CFAP97: variants seen among roughly 807,000 people sequenced by gnomAD.
CFAP97 encodes cilia and flagella associated protein 97.
In CFAP97, 36 loss-of-function variants were observed where a neutral mutation model predicts 43.1. That is an observed-to-expected ratio of 0.84 (90% CI 0.64 to 1.10). The LOEUF (loss-of-function observed/expected upper bound fraction) is 1.10. Among genes scored for constraint, CFAP97 ranks in the 50% least tolerant of loss-of-function variants. The probability of loss-of-function intolerance (pLI) is 0.00; values close to 1 mark genes in which losing one functional copy is unlikely to be tolerated. For missense variants in CFAP97, 657 were observed against 620.3 expected, an observed-to-expected ratio of 1.06 and a Z score of -0.63; for synonymous variants, 228 against 225.7, an observed-to-expected ratio of 1.01 and a Z score of -0.09.
chr4:185,179,903 T>C (rs566216138), intron 2 of CFAP97, among the ~76,000 whole-genome samples: 2 of 152,316 alleles, frequency 1.3e-5, no homozygotes, highest in East Asian at 3.9e-4. Flanking sequence ...CCAAATGTTA[T>C]TTTCCAGTTC....
chr4:185,182,345 A>C (rs1176286700), intron 2 of CFAP97: 1 of 152,008 alleles, frequency 6.6e-6, no homozygotes, highest in Admixed American at 6.6e-5. Flanking sequence ...CCATTTTTTG[A>C]CATTTACATA....
intron 1 of CFAP97, among the ~76,000 whole-genome samples, chr4:185,192,566 C>T (rs1736311734): frequency 1.3e-5 from 2 of 151,780 alleles, no homozygotes; most frequent in African/African-American, 4.8e-5. Context: ...TATTTTAATA[C>T]TCCATACAGT....
intron 2 of CFAP97, 116 bp downstream of exon 2, chr4:185,190,027 C>A: frequency 1.4e-6 from 1 of 707,504 alleles, no homozygotes; most frequent in South Asian, 3.1e-5. Context: ...CTAATAATAT[C>A]AATCATTCCC....
chr4:185,167,998 CAA>C (rs1195340198), intron 3 of CFAP97, among the ~76,000 whole-genome samples: 51 of 54,716 alleles, frequency 9.3e-4, no homozygotes, highest in African/African-American at 2.0e-3. Context: ...GACTCCTTCT[CAA>C]AAAAAAAAAA....
intron 3 of CFAP97, among the ~76,000 whole-genome samples, chr4:185,173,159 C>A (rs111296297): frequency 0.039 from 5,928 of 151,922 alleles, 378 homozygotes; most frequent in African/African-American, 0.13. Flanking sequence ...GTCAGGAGAT[C>A]GAGACCATCC....
At chr4:185,177,050 TA>T (rs1735577603) in intron 2 of CFAP97, among the ~76,000 whole-genome samples, 1 of 152,216 alleles carries the variant, frequency 6.6e-6, no homozygotes, top group Non-Finnish European at 1.5e-5. Flanking sequence ...CAATTACTAC[TA>T]AACATTTGTA....
At chr4:185,199,174 AC>A (rs1340559738) in intron 1 of CFAP97, among the ~76,000 whole-genome samples, 1 of 151,998 alleles carries the variant, frequency 6.6e-6, no homozygotes, top group Non-Finnish European at 1.5e-5. Flanking sequence ...GGAGATGGAG[AC>A]CAGCCTGAGC....
At chr4:185,192,733 C>CTTTTTTTTTTTTTTTTTTT (rs760026667) in intron 1 of CFAP97, among the ~76,000 whole-genome samples, 11 of 81,412 alleles carry the variant, frequency 1.4e-4, no homozygotes, top group African/African-American at 6.0e-4. Context: ...AATTGACCTT[C>CTTTTTTTTTTTTTTTTTTT]TTTTTTTTTT....
intron 2 of CFAP97, among the ~76,000 whole-genome samples, chr4:185,178,912 C>G (rs1474359240): frequency 6.6e-6 from 1 of 152,138 alleles, no homozygotes; most frequent in Non-Finnish European, 1.5e-5. Context: ...ACTGGTAGAT[C>G]TGGCCCAGCA....
At chr4:185,192,896 A>G (rs1336622793) in intron 1 of CFAP97, among the ~76,000 whole-genome samples, 2 of 151,536 alleles carry the variant, frequency 1.3e-5, no homozygotes, top group East Asian at 1.9e-4. Flanking sequence ...GCCCGCCACC[A>G]CGCCCGGCTA....
chr4:185,164,273 C>CTT (rs34135937), intron 3 of CFAP97, 94 bp from the exon 4 acceptor site: 5,878 of 987,768 alleles, frequency 6.0e-3, no homozygotes, highest in Non-Finnish European at 6.8e-3. Context: ...CACTTTCTTT[C>CTT]TTTTTTTTTT....
At chr4:185,164,523 T>G (rs1269494186) in intron 3 of CFAP97, among the ~76,000 whole-genome samples, 2 of 152,196 alleles carry the variant, frequency 1.3e-5, no homozygotes, top group Admixed American at 6.5e-5. Context: ...ATATAACAAT[T>G]CATCCAGAGG....
intron 1 of CFAP97, among the ~76,000 whole-genome samples, chr4:185,192,733 C>CCTTTT (rs1736326963): frequency 3.7e-5 from 3 of 81,420 alleles, no homozygotes; most frequent in African/African-American, 1.1e-4. Flanking sequence ...AATTGACCTT[C>CCTTTT]TTTTTTTTTT....
intron 2 of CFAP97, among the ~76,000 whole-genome samples, chr4:185,186,678 A>G (rs1420593096): frequency 2.0e-5 from 3 of 152,172 alleles, no homozygotes; most frequent in African/African-American, 7.2e-5. Flanking sequence ...TTTTTTGGAT[A>G]TACACCTTTT....
In CFAP97 at chr4:185,175,786, C is replaced by T. The variant is rs903549168; in HGVS notation, c.1320G>A (p.Leu440=). The T allele has an allele frequency of 6.2e-6, 10 of 1,609,272 alleles. No homozygotes were observed. The highest frequency in any genetic ancestry group is 8.5e-6 in the Non-Finnish European group (10 of 1,177,184). ...ATGACTAATTATTTCAGTTACTTAC[C>T]AAGTTTTCTCTCTCAATCCTTTGTT... ...KEQQRIEREN[L]ALLKRLEAVK... is the part of the protein sequence containing the mutation. Residue 440 remains leucine, a splice_region_variant and synonymous_variant, in exon 3 of 5, where the codon TTG becomes TTA. Transcript: ENST00000458385.
upstream of CFAP97, chr4:185,209,855 G>A: frequency 2.0e-6 from 2 of 983,458 alleles, no homozygotes; most frequent in South Asian, 9.4e-5. The surrounding 1 kb of genome is among the most constrained non-coding windows in gnomAD (Gnocchi z 5.2). Context: ...GACAGTGGCG[G>A]CGCCGGCCCC....
At chr4:185,167,093 C>T (rs980319425) in intron 3 of CFAP97, among the ~76,000 whole-genome samples, 1 of 151,998 alleles carries the variant, frequency 6.6e-6, no homozygotes, top group Non-Finnish European at 1.5e-5. Flanking sequence ...GAATGGACAC[C>T]CCTGGTGTAA....
intron 3 of CFAP97, among the ~76,000 whole-genome samples, chr4:185,172,498 G>C (rs1391320347): frequency 6.6e-6 from 1 of 152,148 alleles, no homozygotes; most frequent in Non-Finnish European, 1.5e-5. Flanking sequence ...TGATGTAAGA[G>C]TTCTGGAACA....
intron 1 of CFAP97, among the ~76,000 whole-genome samples, chr4:185,192,276 GTA>G (rs1736295789): frequency 6.6e-6 from 1 of 152,166 alleles, no homozygotes; most frequent in African/African-American, 2.4e-5. Flanking sequence ...AAGGGGAAGA[GTA>G]TATATGTCTC....
Sources: allele counts gnomAD v4.1 joint callset (sites outside exome capture counted in the v4.1 genomes callset), GRCh38; gene constraint gnomAD v4.1.1; non-coding constraint Gnocchi (gnomAD v3.1); transcripts MANE v1.5; gene names NCBI Gene and HGNC (gene_info 2026-07-23, HGNC 2026-07-21).